The following ICA1L variants were observed in gnomAD, a reference collection of about 807,000 sequenced individuals.
ICA1L encodes islet cell autoantigen 1 like.
In ICA1L, 50 loss-of-function variants were observed where a neutral mutation model predicts 61.3. The observed-to-expected ratio is 0.82, with a 90% CI of 0.65 to 1.03. The LOEUF (loss-of-function observed/expected upper bound fraction) is 1.03. Among genes scored for constraint, ICA1L ranks in the 50% least tolerant of loss-of-function variants. ICA1L has a pLI of 0.00. For missense variants in ICA1L, 508 were observed against 556.7 expected (o/e 0.91, Z 0.88); for synonymous variants, 161 against 191.3 (o/e 0.84, Z 1.31).
intron 9 of ICA1L, among the ~76,000 whole-genome samples, chr2:202,798,689 G>A (rs745421772): frequency 4.9e-5 from 5 of 102,710 alleles, no homozygotes; most frequent in East Asian, 2.8e-4. Context: ...TATAATAACC[G>A]TACTCTGCTA....
intron 1 of ICA1L, among the ~76,000 whole-genome samples, chr2:202,838,199 TTTG>T (rs1209691733): frequency 6.6e-6 from 1 of 152,114 alleles, no homozygotes; most frequent in African/African-American, 2.4e-5. Flanking sequence ...TTTTGACACG[TTTG>T]TTGTTTAGGA....
chr2:202,853,872 T>C (rs1314164564), intron 1 of ICA1L, among the ~76,000 whole-genome samples: 1 of 152,116 alleles, frequency 6.6e-6, no homozygotes, highest in African/African-American at 2.4e-5. Context: ...AGGCCTGCCT[T>C]ACGAGAGCTC....
At chr2:202,869,227 G>A (rs954315785) in intron 1 of ICA1L, among the ~76,000 whole-genome samples, 37 of 151,408 alleles carry the variant, frequency 2.4e-4, no homozygotes, top group Admixed American at 1.3e-3. Context: ...GCGTGGTGGC[G>A]GGCGCCTGTA....
chr2:202,826,372 T>G (rs1446332784), intron 2 of ICA1L, among the ~76,000 whole-genome samples: 1 of 152,168 alleles, frequency 6.6e-6, no homozygotes, highest in South Asian at 2.1e-4. Flanking sequence ...ACGTGAAAAT[T>G]TGAGATGAGG....
At chr2:202,850,887 G>A (rs554963279) in intron 1 of ICA1L, among the ~76,000 whole-genome samples, 1 of 152,262 alleles carries the variant, frequency 6.6e-6, no homozygotes, top group African/African-American at 2.4e-5. Context: ...GGGAGCAAGA[G>A]AGAAAGGTCA....
chr2:202,853,289 G>A (rs182733356), intron 1 of ICA1L, among the ~76,000 whole-genome samples: 262 of 151,400 alleles, frequency 1.7e-3, no homozygotes, highest in Admixed American at 6.6e-4. Flanking sequence ...CCCAGGAGGC[G>A]GAGCTTGCAG....
At chr2:202,855,666 G>C (rs1229459330) in intron 1 of ICA1L, among the ~76,000 whole-genome samples, 2 of 152,116 alleles carry the variant, frequency 1.3e-5, no homozygotes, top group Non-Finnish European at 2.9e-5. Flanking sequence ...AATTGAGGCA[G>C]TAATTAATAG....
intron 1 of ICA1L, among the ~76,000 whole-genome samples, chr2:202,868,894 G>A (rs753388019): frequency 5.3e-5 from 8 of 152,076 alleles, no homozygotes; most frequent in Non-Finnish European, 1.2e-4. Flanking sequence ...CTTGAACCCA[G>A]GAGGCAGAGG....
intron 12 of ICA1L, among the ~76,000 whole-genome samples, chr2:202,783,011 A>G (rs957832401): frequency 3.3e-5 from 5 of 152,318 alleles, no homozygotes; most frequent in East Asian, 3.9e-4. Flanking sequence ...GGTTTCCCCT[A>G]CTGGCTGACC....
Position 202,796,981 on chromosome 2 carries a change from TAAAAG to T in ICA1L, c.911-22_911-18del. On this transcript the variant is annotated intron_variant, in intron 9 of 12. Transcript: ENST00000358299. ...CTTTGTTTGCTAAATCAAAAGCACA[TAAAAG>T]AGAAGTTGAACAAGAAGAAATTCAG... 6.4e-7 allele frequency: 1 copy of T among 1,552,436 alleles called. No homozygotes were observed.
rs1171302714 is a variant in ICA1L, at chr2:202,819,733, C to T, written c.526G>A (p.Asp176Asn). 2.5e-6 allele frequency: 4 copies of T among 1,614,132 alleles called. No individual in the cohort carries two copies. In the African/African-American group the frequency reaches 5.3e-5, roughly 22 times the overall value. Residue 176 changes from aspartate (D) to asparagine (N), a missense_variant, in exon 5 of 13, where the codon GAC becomes AAC. Transcript: ENST00000358299. ...AACTTTTCCATTTGCTTTAAGGTGTCTGGGTCCAGCTCTTGGGATACATCT... is the reference window on the plus strand; with the variant it reads ...AACTTTTCCATTTGCTTTAAGGTGTTTGGGTCCAGCTCTTGGGATACATCT... ...MKDVSQELDP[D>N]TLKQMEKFRK...
chr2:202,850,737 T>A (rs915262716), intron 1 of ICA1L, among the ~76,000 whole-genome samples: 1 of 152,154 alleles, frequency 6.6e-6, no homozygotes, highest in African/African-American at 2.4e-5. Context: ...CGAGGAGAAC[T>A]TCCCCAACCT....
At chr2:202,847,590 T>C (rs1412799001) in intron 1 of ICA1L, among the ~76,000 whole-genome samples, 1 of 151,224 alleles carries the variant, frequency 6.6e-6, no homozygotes, top group African/African-American at 2.4e-5. Flanking sequence ...AAATGAGAAA[T>C]ATATGTAAAG....
intron 1 of ICA1L, among the ~76,000 whole-genome samples, chr2:202,866,861 C>T (rs1425515196): frequency 1.3e-5 from 2 of 151,954 alleles, no homozygotes; most frequent in African/African-American, 4.8e-5. Context: ...GCAGGAGAAT[C>T]GCTTGAACCT....
chr2:202,855,040 G>A (rs1694732734), intron 1 of ICA1L, among the ~76,000 whole-genome samples: 1 of 152,150 alleles, frequency 6.6e-6, no homozygotes, highest in South Asian at 2.1e-4. Context: ...ATCTGCTCCT[G>A]AACGACTACT....
intron 11 of ICA1L, among the ~76,000 whole-genome samples, chr2:202,787,205 C>T (rs1233550492): frequency 6.6e-6 from 1 of 152,234 alleles, no homozygotes; most frequent in Non-Finnish European, 1.5e-5. Context: ...TACTCAAATA[C>T]TGTGGTTTTC....
At chr2:202,865,015 C>T (rs1687448657) in intron 1 of ICA1L, among the ~76,000 whole-genome samples, 1 of 151,866 alleles carries the variant, frequency 6.6e-6, no homozygotes, top group Non-Finnish European at 1.5e-5. Context: ...ATACAAAAAT[C>T]AGCTGGGTAT....
intron 11 of ICA1L, among the ~76,000 whole-genome samples, chr2:202,788,615 G>A (rs1230073020): frequency 6.6e-6 from 1 of 152,086 alleles, no homozygotes; most frequent in Non-Finnish European, 1.5e-5. Flanking sequence ...GGGGTCTGGT[G>A]AAGGTGGGCA....
intron 1 of ICA1L, among the ~76,000 whole-genome samples, chr2:202,848,729 T>C (rs1694532730): frequency 6.6e-6 from 1 of 152,232 alleles, no homozygotes. Flanking sequence ...TACATACATA[T>C]ATATTTTGTG....
Sources: gnomAD v4.1 joint callset for allele counts (sites outside exome capture counted in the v4.1 genomes callset) on GRCh38, gnomAD v4.1.1 for gene constraint, MANE v1.5 for transcripts, NCBI Gene and HGNC (gene_info 2026-07-23, HGNC 2026-07-21) for gene names.